The following PTGFR variants were observed in gnomAD, a reference collection of about 807,000 sequenced individuals.
The protein encoded by PTGFR is prostaglandin F receptor.
PTGFR carries 15 observed loss-of-function variants against 26.2 expected under a neutral mutation model. The ratio of observed to expected loss-of-function variants is 0.57; its 90% CI spans 0.38 to 0.88. The LOEUF (loss-of-function observed/expected upper bound fraction) is 0.88. Among genes scored for constraint, PTGFR ranks in the 40% least tolerant of loss-of-function variants. The probability of loss-of-function intolerance (pLI) is 0.00; values close to 1 mark genes in which losing one functional copy is unlikely to be tolerated. For synonymous variants in PTGFR, 165 were observed against 151.1 expected, an observed-to-expected ratio of 1.09 and a Z score of -0.68; for missense variants, 369 against 427.2, an observed-to-expected ratio of 0.86 and a Z score of 1.20.
intron 1 of PTGFR, among the ~76,000 whole-genome samples, 196 bp from the exon 2 acceptor site, chr1:78,492,476 A>G (rs1649428034): frequency 6.6e-6 from 1 of 152,188 alleles, no homozygotes. Context: ...AAGGGGTCTC[A>G]ATTTCAACAG....
intron 2 of PTGFR, among the ~76,000 whole-genome samples, chr1:78,493,917 T>C (rs1649480029): frequency 6.6e-6 from 1 of 152,244 alleles, no homozygotes; most frequent in Non-Finnish European, 1.5e-5. Context: ...ACATGAACTT[T>C]TAACTTGTAA....
At chr1:78,532,124 C>G (rs1650522585) in intron 2 of PTGFR, 2 of 354,208 alleles carry the variant, frequency 5.6e-6, no homozygotes, top group Admixed American at 3.9e-5. Context: ...TATTTTGTAA[C>G]TAGAGAAAAC....
chr1:78,516,145 A>G (rs1232257902), intron 2 of PTGFR, among the ~76,000 whole-genome samples: 3 of 152,156 alleles, frequency 2.0e-5, no homozygotes, highest in African/African-American at 7.2e-5. Flanking sequence ...AACTCCTACT[A>G]TATGCCAGAC....
In PTGFR at chr1:78,527,818, C is replaced by T. The variant is rs562411425; in HGVS notation, c.799-8588C>T. The stretch of plus-strand genomic sequence containing the variant: ...CTCCATGGATCCTAACATTTCTTCT[C>T]ATTAATTCCTTCACTTGGTATTTAC... On this transcript the variant is annotated intron_variant, in intron 2 of 2. Coordinates refer to ENST00000370757, the MANE Select transcript of PTGFR (RefSeq NM_000959.4). Among the ~76,000 whole-genome samples the T allele has an allele frequency of 1.7e-3, 257 of 152,222 alleles. 1 individual carries two copies. The highest frequency in any genetic ancestry group is 5.9e-3 in the African/African-American group (245 of 41,544).
In PTGFR at chr1:78,492,830, C is replaced by G; in HGVS notation, c.87C>G (p.Ser29=). ...CCTGCCAGACGGAAAACCGGCTTTC[C>G]GTATTTTTTTCAGTAATCTTCATGA... ...NTTCQTENRL[S]VFFSVIFMTV... is the part of the protein sequence containing the mutation. Residue 29 remains serine, a synonymous_variant, in exon 2 of 3, where the codon TCC becomes TCG. Coordinates refer to ENST00000370757, the MANE Select transcript of PTGFR (RefSeq NM_000959.4). 1 of 1,614,202 alleles carries G rather than the reference C, an allele frequency of 6.2e-7. No homozygotes were observed. Among genetic ancestry groups the G allele is most frequent in the Non-Finnish European group, 8.5e-7 (1 of 1,180,024 alleles).
At chr1:78,532,950 T>C (rs916414988) in intron 2 of PTGFR, among the ~76,000 whole-genome samples, 21 of 152,252 alleles carry the variant, frequency 1.4e-4, no homozygotes, top group African/African-American at 3.9e-4. Flanking sequence ...CAAGGAAATA[T>C]ATAAGGCTAA....
At chr1:78,505,554 A>G (rs558596226) in intron 2 of PTGFR, among the ~76,000 whole-genome samples, 57 of 152,330 alleles carry the variant, frequency 3.7e-4, no homozygotes, top group African/African-American at 1.3e-3. Flanking sequence ...ACATAATATA[A>G]CATTTACCAT....
rs975176320 is a variant in PTGFR, at chr1:78,537,241, A to C, written c.*554A>C. 5 of 152,268 alleles carry C rather than the reference A, an allele frequency of 3.3e-5. No homozygotes were observed. The highest frequency in any genetic ancestry group is 1.2e-4 in the African/African-American group (5 of 41,450). The allele number at this position is 152,268 out of a possible 1,614,324, so 9.4% of individuals were successfully genotyped here. On this transcript the variant is annotated 3_prime_UTR_variant, in exon 3 of 3. Coordinates refer to ENST00000370757, the MANE Select transcript of PTGFR (RefSeq NM_000959.4). ...TCTGCATATTCCAGGTCTGGCAGAC[A>C]GGTTGCCTGACCCTGCAATCCTATC...
chr1:78,500,776 A>G (rs769317108), intron 2 of PTGFR, among the ~76,000 whole-genome samples: 4 of 152,208 alleles, frequency 2.6e-5, no homozygotes, highest in Non-Finnish European at 5.9e-5. Context: ...GTGTTATTTG[A>G]TAAATATATG....
At chr1:78,502,812 A>G (rs1450854260) in intron 2 of PTGFR, among the ~76,000 whole-genome samples, 2 of 152,150 alleles carry the variant, frequency 1.3e-5, no homozygotes, top group African/African-American at 4.8e-5. Flanking sequence ...CTGTAATTTA[A>G]CTGTTCATAA....
intron 1 of PTGFR, 139 bp from the exon 2 acceptor site, chr1:78,492,533 C>T: frequency 2.0e-6 from 1 of 506,578 alleles, no homozygotes; most frequent in South Asian, 4.0e-5. Flanking sequence ...CAGATATGAG[C>T]TGCTTTCAGT....
At position 78,493,345 on chromosome 1, in the gene PTGFR, A is replaced by T; in HGVS notation, c.602A>T (p.Tyr201Phe). ...ATCAAAGACTGGGAAGATAGATTTT[A>T]TCTTCTACTTTTTTCTTTTCTGGGG... ...EDIKDWEDRF[Y>F]LLLFSFLGLL... Residue 201 changes from tyrosine to phenylalanine, a missense_variant, in exon 2 of 3, where the codon TAT (tyrosine) becomes TTT (phenylalanine). Coordinates refer to ENST00000370757, the MANE Select transcript of PTGFR (RefSeq NM_000959.4). 6.2e-7 allele frequency: 1 copy of T among 1,614,082 alleles called. No individual in the cohort carries two copies. Among genetic ancestry groups the T allele is most frequent in the South Asian group, 1.1e-5 (1 of 91,060 alleles).
chr1:78,498,860 G>A (rs942991215), intron 2 of PTGFR, among the ~76,000 whole-genome samples: 1 of 152,170 alleles, frequency 6.6e-6, no homozygotes, highest in Non-Finnish European at 1.5e-5. Flanking sequence ...TGAAGCGTGA[G>A]TGTCCCTCTG....
At chr1:78,511,495 G>T (rs1011707885) in intron 2 of PTGFR, among the ~76,000 whole-genome samples, 4 of 152,186 alleles carry the variant, frequency 2.6e-5, no homozygotes, top group Non-Finnish European at 5.9e-5. Context: ...CCTGAACATG[G>T]GGAGTAGCGT....
rs534288404 is a variant in PTGFR at position 78,534,244 on chromosome 1, G to A, written c.799-2162G>A. On this transcript the variant is annotated intron_variant, in intron 2 of 2. Coordinates refer to ENST00000370757, the MANE Select transcript of PTGFR (RefSeq NM_000959.4). ...AAGTGTCTGGAATACAAGTGCGGGT[G>A]GGCTAGACAGAGAATAATGTTCTCA... Among the ~76,000 whole-genome samples the A allele has an allele frequency of 9.2e-5, 14 of 152,226 alleles. No homozygotes were observed. In the South Asian group the frequency reaches 2.9e-3, roughly 32 times the overall value.
In PTGFR at chr1:78,536,778, G is replaced by A. The variant is rs894325975; in HGVS notation, c.*91G>A. 1 of 1,344,130 alleles carries A rather than the reference G, an allele frequency of 7.4e-7. No homozygotes were observed. Among genetic ancestry groups the A allele is most frequent in the Admixed American group, 2.7e-5 (1 of 36,870 alleles). The allele number at this position is 1,344,130 out of a possible 1,614,324, so 83.3% of individuals were successfully genotyped here. On this transcript the variant is annotated 3_prime_UTR_variant, in exon 3 of 3. Transcript: ENST00000370757. ...TTAGTTAAATACCTGTAGCCTAACTGGAAAATTCAGGCTTCATCATGTAGT... is the reference window on the plus strand; with the variant it reads ...TTAGTTAAATACCTGTAGCCTAACTAGAAAATTCAGGCTTCATCATGTAGT...
chr1:78,531,622 A>G lies in PTGFR; in HGVS notation c.799-4784A>G, dbSNP rs534398591. ...ATTCCTTGAAACAAAAGTTCATATAAGTTTTCTTTCCTTTTATTTAATTAA... is the reference window on the plus strand; with the variant it reads ...ATTCCTTGAAACAAAAGTTCATATAGGTTTTCTTTCCTTTTATTTAATTAA... On this transcript the variant is annotated intron_variant, in intron 2 of 2. Transcript: ENST00000370757. 1.3e-5 allele frequency among the ~76,000 whole-genome samples: 2 copies of G among 152,134 alleles called. 1 individual carries two copies. The highest frequency in any genetic ancestry group is 4.2e-4 in the South Asian group (2 of 4,802).
At chr1:78,507,837 A>G (rs1649863378) in intron 2 of PTGFR, among the ~76,000 whole-genome samples, 1 of 152,212 alleles carries the variant, frequency 6.6e-6, no homozygotes, top group Non-Finnish European at 1.5e-5. Flanking sequence ...CTTGTCTTCA[A>G]ACTAGCATGT....
chr1:78,503,539 T>C (rs1040602279), intron 2 of PTGFR, among the ~76,000 whole-genome samples: 1 of 152,182 alleles, frequency 6.6e-6, no homozygotes, highest in Non-Finnish European at 1.5e-5. Context: ...CTGGTGGGTG[T>C]CTCTCCAGGT....
Sources: gnomAD v4.1 joint callset for allele counts (sites outside exome capture counted in the v4.1 genomes callset) on GRCh38, gnomAD v4.1.1 for gene constraint, MANE v1.5 for transcripts, NCBI Gene and HGNC (gene_info 2026-07-23, HGNC 2026-07-21) for gene names.